Variants in SLC25A40 observed in about 807,000 individuals in gnomAD.
The protein encoded by SLC25A40 is mitochondrial glutathione transporter SLC25A40.
A neutral mutation model predicts 46.5 loss-of-function variants in SLC25A40; 41 were observed. The observed-to-expected ratio is 0.88, with a 90% CI of 0.69 to 1.14. SLC25A40 has a LOEUF of 1.14. Ranked by LOEUF, SLC25A40 falls within the 50% of genes most tolerant of loss-of-function variation. The probability of loss-of-function intolerance (pLI) is 0.00; values close to 1 mark genes in which losing one functional copy is unlikely to be tolerated. For missense variants in SLC25A40, 386 were observed against 393.6 expected, an observed-to-expected ratio of 0.98 and a Z score of 0.16; for synonymous variants, 126 against 127.5, an observed-to-expected ratio of 0.99 and a Z score of 0.08.
chr7:87,856,463 T>A (rs1838617314), intron 3 of SLC25A40, 112 bp from the exon 4 acceptor site: 1 of 885,696 alleles, frequency 1.1e-6, no homozygotes, highest in South Asian at 1.3e-5. Flanking sequence ...GCTATATAAT[T>A]GGTAAGCTTA....
At chr7:87,869,754 C>G (rs181863753) in intron 1 of SLC25A40, among the ~76,000 whole-genome samples, 140 of 152,208 alleles carry the variant, frequency 9.2e-4, no homozygotes, top group Middle Eastern at 3.4e-3. Flanking sequence ...TGGGTTGTTT[C>G]AAGTTAGGGC....
At chr7:87,838,700 G>A (rs1838290260) in intron 10 of SLC25A40, among the ~76,000 whole-genome samples, 1 of 150,608 alleles carries the variant, frequency 6.6e-6, no homozygotes, top group African/African-American at 2.4e-5. Flanking sequence ...TTTGTTTAAT[G>A]TTTACCTCTA....
At chr7:87,869,628 T>C (rs1169584858) in intron 1 of SLC25A40, among the ~76,000 whole-genome samples, 1 of 152,164 alleles carries the variant, frequency 6.6e-6, no homozygotes, top group Non-Finnish European at 1.5e-5. Flanking sequence ...TCACTAATTA[T>C]TCTGAAATTC....
At chr7:87,851,630 C>A (rs929110441) in intron 5 of SLC25A40, among the ~76,000 whole-genome samples, 1 of 152,174 alleles carries the variant, frequency 6.6e-6, no homozygotes, top group African/African-American at 2.4e-5. Context: ...GAGACTACCC[C>A]ACTACACCGT....
chr7:87,864,099 T>G (rs1310265624), intron 1 of SLC25A40, among the ~76,000 whole-genome samples: 1 of 152,242 alleles, frequency 6.6e-6, no homozygotes, highest in African/African-American at 2.4e-5. Context: ...TTAACTCCAG[T>G]GTTTCCTTGT....
Position 87,843,766 on chromosome 7 carries a change from T to C in SLC25A40, c.729A>G (p.Ala243=), listed in dbSNP as rs1220463599. Residue 243 remains alanine, a synonymous_variant, in exon 9 of 12, where the codon GCA becomes GCG. Transcript: ENST00000341119. ...AGAATAAACTTACAGAACCAGACAA[T>C]GCCCCTGAAGTAAAGTTGATCATAA... is the stretch of plus-strand genomic sequence containing the variant. ...PTFMINFTSG[A]LSGSFAAVAT... 3.1e-6 allele frequency: 5 copies of C among 1,605,380 alleles called. No homozygotes were observed. The highest frequency in any genetic ancestry group is 4.3e-6 in the Non-Finnish European group (5 of 1,173,810).
chr7:87,848,589 T>C (rs1424739895), intron 6 of SLC25A40, among the ~76,000 whole-genome samples: 1 of 152,210 alleles, frequency 6.6e-6, no homozygotes, highest in Admixed American at 6.5e-5. Flanking sequence ...GTGGACCATA[T>C]ATCACTCCTG....
Position 87,841,722 on chromosome 7 carries a change from A to T in SLC25A40, c.742-8T>A, listed in dbSNP as rs752338914. The stretch of plus-strand genomic sequence containing the variant: ...AGTTGCAACAGCAGCAAACTATCAG[A>T]AAGTAAAATTGATTAATTTCAATCA... On this transcript the variant is annotated splice_region_variant and splice_polypyrimidine_tract_variant and intron_variant, in intron 9 of 11. Coordinates refer to ENST00000341119, the MANE Select transcript of SLC25A40 (RefSeq NM_018843.4). The T allele has an allele frequency of 1.4e-6, 2 of 1,476,440 alleles. No individual in the cohort carries two copies. Among genetic ancestry groups the T allele is most frequent in the South Asian group, 1.5e-5 (1 of 66,196 alleles). 91.5% of individuals were successfully genotyped at this position (1,476,440 alleles called of 1,614,324 possible). A position where few individuals can be genotyped will look rare whatever the true frequency, so the allele number is the denominator to read the frequency against.
chr7:87,868,216 G>T (rs905803329), intron 1 of SLC25A40, among the ~76,000 whole-genome samples: 3 of 152,174 alleles, frequency 2.0e-5, no homozygotes, highest in African/African-American at 7.2e-5. Flanking sequence ...TAGAAACCAT[G>T]AATTAAAGGG....
At position 87,834,965 on chromosome 7, in the gene SLC25A40, G is replaced by A. The variant is rs946181115; in HGVS notation, c.*1284C>T. On this transcript the variant is annotated 3_prime_UTR_variant, in exon 12 of 12. Coordinates refer to ENST00000341119, the MANE Select transcript of SLC25A40 (RefSeq NM_018843.4). ...AACATATAAACACTTTCCTACTATA[G>A]TACAAAATCAATTAGTTCCTCTACC... 1 of 151,082 alleles carries A rather than the reference G, an allele frequency of 6.6e-6. No individual in the cohort carries two copies. Among genetic ancestry groups the A allele is most frequent in the Non-Finnish European group, 1.5e-5 (1 of 67,574 alleles). 9.4% of individuals were successfully genotyped at this position (151,082 alleles called of 1,614,324 possible). A position where few individuals can be genotyped will look rare whatever the true frequency, so the allele number is the denominator to read the frequency against.
rs1838242375 is a variant in SLC25A40 at position 87,835,423 on chromosome 7, A to G, written c.*826T>C. The stretch of plus-strand genomic sequence containing the variant: ...CCATGAACAATGATACTTGGATTAC[A>G]AGAGAGCTAAAAATCAGAGGCTATT... On this transcript the variant is annotated 3_prime_UTR_variant, in exon 12 of 12. Coordinates refer to ENST00000341119, the MANE Select transcript of SLC25A40 (RefSeq NM_018843.4). 6.6e-6 allele frequency: 1 copy of G among 151,672 alleles called. No individual in the cohort carries two copies. Among genetic ancestry groups the G allele is most frequent in the South Asian group, 2.1e-4 (1 of 4,830 alleles). The allele number at this position is 151,672 out of a possible 1,614,324, so 9.4% of individuals were successfully genotyped here. A position where few individuals can be genotyped will look rare whatever the true frequency, so the allele number is the denominator to read the frequency against.
At position 87,849,871 on chromosome 7, in the gene SLC25A40, T is replaced by G; in HGVS notation, c.332+10A>C. On this transcript the variant is annotated intron_variant, in intron 6 of 11. Transcript: ENST00000341119. ...TTATTTAGTAGAAAAAACATTAAATTTCAACTTACAGGGTAGGAGGAAGGC... is the reference window on the plus strand; with the variant it reads ...TTATTTAGTAGAAAAAACATTAAATGTCAACTTACAGGGTAGGAGGAAGGC... 2 of 1,559,630 alleles carry G rather than the reference T, an allele frequency of 1.3e-6. No individual in the cohort carries two copies. Among genetic ancestry groups the G allele is most frequent in the Non-Finnish European group, 1.7e-6 (2 of 1,151,952 alleles).
chr7:87,863,076 T>C (rs766835683), intron 1 of SLC25A40, among the ~76,000 whole-genome samples: 1 of 152,224 alleles, frequency 6.6e-6, no homozygotes, highest in Non-Finnish European at 1.5e-5. Flanking sequence ...TTATCAGTAG[T>C]ATATATTGCC....
chr7:87,875,793 C>T (rs1838994654), intron 1 of SLC25A40, among the ~76,000 whole-genome samples: 1 of 152,232 alleles, frequency 6.6e-6, no homozygotes, highest in South Asian at 2.1e-4. Flanking sequence ...AGGCGTTCTG[C>T]GGTGGCGCTG....
rs146955256 is a variant in SLC25A40 at position 87,869,711 on chromosome 7, T to C, written c.-94+6385A>G. Among the ~76,000 whole-genome samples the C allele has an allele frequency of 7.0e-4, 107 of 152,338 alleles. No individual in the cohort carries two copies. The East Asian group carries it at 0.019, about 28-fold the overall frequency. On this transcript the variant is annotated intron_variant, in intron 1 of 11. Coordinates refer to ENST00000341119, the MANE Select transcript of SLC25A40 (RefSeq NM_018843.4). ...ATACTATTCCATTACATAAATATAC[T>C]ACAATTTATCCATTTATCTGTTGAT...
chr7:87,872,139 A>G (rs1412074193), intron 1 of SLC25A40, among the ~76,000 whole-genome samples: 1 of 152,214 alleles, frequency 6.6e-6, no homozygotes, highest in Non-Finnish European at 1.5e-5. Context: ...CAGGAATCAT[A>G]ACCTCTTACT....
intron 1 of SLC25A40, among the ~76,000 whole-genome samples, chr7:87,872,954 C>T (rs900828993): frequency 6.6e-6 from 1 of 152,216 alleles, no homozygotes; most frequent in African/African-American, 2.4e-5. Flanking sequence ...CAGCCACTAA[C>T]CAATCCTATC....
Position 87,836,282 on chromosome 7 carries a change from GA to G in SLC25A40, c.983del (p.Phe328SerfsTer18). The G allele has an allele frequency of 3.2e-6, 5 of 1,583,542 alleles. No homozygotes were observed. The highest frequency in any genetic ancestry group is 2.3e-5 in the South Asian group (2 of 85,484). On this transcript the variant is annotated frameshift_variant, in exon 12 of 12. Transcript: ENST00000341119. LOFTEE classifies it high-confidence loss of function. ...GCTGCCTTCGAACATTTTGTTTCTG[GA>G]AAAAAGCCTTTCCAAATTCATATGT... ...ISTYEFGKAF[F>X]QKQNVRRQQY
chr7:87,857,319 G>A (rs1487070548), intron 3 of SLC25A40, among the ~76,000 whole-genome samples: 2 of 152,004 alleles, frequency 1.3e-5, no homozygotes, highest in Non-Finnish European at 2.9e-5. Flanking sequence ...ATGTTGATAG[G>A]GACCCAAAAG....
Sources: allele counts gnomAD v4.1 joint callset (sites outside exome capture counted in the v4.1 genomes callset), GRCh38; gene constraint gnomAD v4.1.1; transcripts MANE v1.5; gene names NCBI Gene and HGNC (gene_info 2026-07-23, HGNC 2026-07-21).